Variants in HLCS observed in about 807,000 individuals in gnomAD.
HLCS encodes the protein holocarboxylase synthetase.
Under a neutral mutation model 75.0 loss-of-function variants are expected in HLCS, and 53 were observed. That is an observed-to-expected ratio of 0.71 (90% CI 0.57 to 0.89). HLCS has a LOEUF of 0.89. HLCS is among the 40% of genes least tolerant of loss of function. HLCS has a pLI of 0.00. For missense variants in HLCS, 966 were observed against 1,074.0 expected, an observed-to-expected ratio of 0.90 and a Z score of 1.41; for synonymous variants, 431 against 428.6, an observed-to-expected ratio of 1.01 and a Z score of -0.07.
At position 36,937,400 on chromosome 21, in the gene HLCS, A is replaced by G. The variant is rs778287214; in HGVS notation, c.494-8T>C. ...AGTCCTGCAAGTGCACCGCTAAGGCATGAATAGGAGAGAGAGACAGAAAAT... is the reference window on the plus strand; with the variant it reads ...AGTCCTGCAAGTGCACCGCTAAGGCGTGAATAGGAGAGAGAGACAGAAAAT... On this transcript the variant is annotated splice_polypyrimidine_tract_variant and splice_region_variant and intron_variant, in intron 3 of 10. Coordinates refer to ENST00000674895, the MANE Select transcript of HLCS (RefSeq NM_001352514.2). The G allele has an allele frequency of 1.9e-6, 3 of 1,609,334 alleles. No homozygotes were observed. Among genetic ancestry groups the G allele is most frequent in the East Asian group, 4.5e-5 (2 of 44,856 alleles).
Position 36,896,864 on chromosome 21 carries a change from C to T in HLCS, c.1888G>A (p.Asp630Asn). 1.2e-6 allele frequency: 2 copies of T among 1,614,032 alleles called. No homozygotes were observed. Among genetic ancestry groups the T allele is most frequent in the Non-Finnish European group, 1.7e-6 (2 of 1,179,922 alleles). Residue 630 changes from aspartate (D) to asparagine (N), a missense_variant, in exon 6 of 11, where the codon GAT becomes AAT. Coordinates refer to ENST00000674895, the MANE Select transcript of HLCS (RefSeq NM_001352514.2). ...EVTPTTMRLLDGLMFQTPQEM... is the reference protein window; with the variant it reads ...EVTPTTMRLLNGLMFQTPQEM... ...GCAGACCTGCTCACACCTTACCCAT[C>T]CAGGAGACGCATCGTTGTGGGGGTC...
chr21:36,793,878 C>T (rs1385749451), intron 6 of HLCS, among the ~76,000 whole-genome samples: 1 of 152,190 alleles, frequency 6.6e-6, no homozygotes, highest in African/African-American at 2.4e-5. Flanking sequence ...TAACCTCTCC[C>T]ATCGAAAGCA....
intron 6 of HLCS, among the ~76,000 whole-genome samples, chr21:36,770,129 A>G (rs2090179454): frequency 6.6e-6 from 1 of 151,570 alleles, no homozygotes; most frequent in Non-Finnish European, 1.5e-5. Flanking sequence ...GCAGCATACA[A>G]AACTATAGAT....
At chr21:36,830,632 G>A (rs768046115) in intron 6 of HLCS, among the ~76,000 whole-genome samples, 1 of 151,848 alleles carries the variant, frequency 6.6e-6, no homozygotes. Context: ...CTAGGGGTTC[G>A]AGACCAGCCT....
chr21:36,984,693 T>A (rs2069193395), intron 1 of HLCS, among the ~76,000 whole-genome samples: 1 of 152,190 alleles, frequency 6.6e-6, no homozygotes, highest in African/African-American at 2.4e-5. Context: ...AATTACTTAA[T>A]GGGTACAATG....
At chr21:36,902,504 C>T (rs745669212) in intron 5 of HLCS, among the ~76,000 whole-genome samples, 17 of 152,194 alleles carry the variant, frequency 1.1e-4, no homozygotes, top group Non-Finnish European at 1.2e-4. Flanking sequence ...CACAGCCATA[C>T]GGGACAGCCT....
chr21:36,883,650 G>A (rs565450003), intron 6 of HLCS, among the ~76,000 whole-genome samples: 63 of 152,212 alleles, frequency 4.1e-4, no homozygotes, highest in African/African-American at 1.3e-3. Context: ...TTCCACTGTC[G>A]GTGGCTATCA....
At chr21:36,843,007 T>C (rs1370858729) in intron 6 of HLCS, among the ~76,000 whole-genome samples, 1 of 152,248 alleles carries the variant, frequency 6.6e-6, no homozygotes, top group Non-Finnish European at 1.5e-5. Context: ...CCATGTCTTA[T>C]CTTCTAGACT....
At chr21:36,871,466 A>C (rs2063766773) in intron 6 of HLCS, among the ~76,000 whole-genome samples, 1 of 152,216 alleles carries the variant, frequency 6.6e-6, no homozygotes, top group African/African-American at 2.4e-5. Flanking sequence ...ACAAAGGGAC[A>C]CAGGCACCAC....
chr21:36,974,274 C>A (rs945557828), intron 1 of HLCS: 1 of 152,324 alleles, frequency 6.6e-6, no homozygotes, highest in African/African-American at 2.4e-5. Context: ...AGCCCAACGC[C>A]CCATGGCGGA....
chr21:36,850,049 G>A (rs1601505672), intron 6 of HLCS, among the ~76,000 whole-genome samples: 1 of 152,142 alleles, frequency 6.6e-6, no homozygotes, highest in African/African-American at 2.4e-5. Flanking sequence ...AAATGGGTCT[G>A]GTGGCAGAGG....
At position 36,961,871 on chromosome 21, in the gene HLCS, T is replaced by C. The variant is rs955807880; in HGVS notation, c.330+165A>G. Among the ~76,000 whole-genome samples, 3 of 150,760 alleles carry C rather than the reference T, an allele frequency of 2.0e-5. No homozygotes were observed. The highest frequency in any genetic ancestry group is 7.3e-5 in the African/African-American group (3 of 40,866). ...CTGGAGGCTGAGGCATGAGAATCAC[T>C]TGAACCCAGGAGGCGGAGGTCCCAG... is the stretch of plus-strand genomic sequence containing the variant. On this transcript the variant is annotated intron_variant, in intron 2 of 10. Transcript: ENST00000674895.
At chr21:36,930,502 TTC>T in intron 4 of HLCS, 69 bp from the exon 5 acceptor site, 1 of 1,328,186 alleles carries the variant, frequency 7.5e-7, no homozygotes, top group South Asian at 1.3e-5. Context: ...AGTTTCTTTT[TTC>T]TTTTTCTTTT....
In HLCS at chr21:36,820,345, G is replaced by A. The variant is rs1474234284; in HGVS notation, c.1893-53060C>T. 2.0e-5 allele frequency among the ~76,000 whole-genome samples: 3 copies of A among 152,314 alleles called. No homozygotes were observed. In the East Asian group the frequency reaches 5.8e-4, roughly 29 times the overall value. The stretch of plus-strand genomic sequence containing the variant: ...AGGGGCTGGAGCCCCACTCTCCCAG[G>A]CGCAGCTGCTGCTGCCCAGCCACGG... On this transcript the variant is annotated intron_variant, in intron 6 of 10. Transcript: ENST00000674895.
chr21:36,806,764 A>T (rs2061373374), intron 6 of HLCS, among the ~76,000 whole-genome samples: 1 of 152,232 alleles, frequency 6.6e-6, no homozygotes, highest in Non-Finnish European at 1.5e-5. Flanking sequence ...AAATGAACGC[A>T]AAACTAAGCA....
intron 6 of HLCS, among the ~76,000 whole-genome samples, chr21:36,861,805 T>G (rs917906940): frequency 1.3e-5 from 2 of 152,242 alleles, no homozygotes; most frequent in African/African-American, 4.8e-5. Context: ...AAATCCACCC[T>G]TTCAAAGTAT....
intron 6 of HLCS, among the ~76,000 whole-genome samples, chr21:36,825,111 A>C (rs928821187): frequency 4.6e-5 from 7 of 152,242 alleles, no homozygotes; most frequent in African/African-American, 1.7e-4. Flanking sequence ...GTATGAGGCC[A>C]GGTGCAGTGG....
intron 6 of HLCS, among the ~76,000 whole-genome samples, chr21:36,801,224 C>G (rs1027831386): frequency 2.0e-5 from 3 of 152,174 alleles, no homozygotes; most frequent in African/African-American, 7.2e-5. Flanking sequence ...TTCGTGCCAG[C>G]CAAAACACAC....
intron 6 of HLCS, among the ~76,000 whole-genome samples, chr21:36,894,699 T>C (rs1196807681): frequency 2.0e-5 from 3 of 152,190 alleles, no homozygotes; most frequent in Non-Finnish European, 2.9e-5. Context: ...CAAAGATTCC[T>C]AAACACCCTC....
Sources: allele counts gnomAD v4.1 joint callset (sites outside exome capture counted in the v4.1 genomes callset), GRCh38; gene constraint gnomAD v4.1.1; transcripts MANE v1.5; gene names NCBI Gene and HGNC (gene_info 2026-07-23, HGNC 2026-07-21).